PSD3: variants seen among roughly 807,000 people sequenced by gnomAD.
PSD3 encodes pleckstrin and Sec7 domain containing 3.
Under a neutral mutation model 105.5 loss-of-function variants are expected in PSD3, and 49 were observed. The observed-to-expected ratio is 0.46, with a 90% CI of 0.37 to 0.59. The LOEUF (loss-of-function observed/expected upper bound fraction) is 0.59. PSD3 is among the 20% of genes least tolerant of loss of function. The pLI is 0.00. For missense variants in PSD3, 1,561 were observed against 1,263.8 expected (o/e 1.24, Z -3.57); for synonymous variants, 557 against 457.8 (o/e 1.22, Z -2.77).
At chr8:18,973,260 G>A (rs1824752718) in intron 1 of PSD3, among the ~76,000 whole-genome samples, 1 of 152,196 alleles carries the variant, frequency 6.6e-6, no homozygotes, top group African/African-American at 2.4e-5. Flanking sequence ...TGGGGATGAT[G>A]ACATAAGAAA....
At chr8:18,937,474 C>G (rs1266477205) in intron 1 of PSD3, among the ~76,000 whole-genome samples, 1 of 152,156 alleles carries the variant, frequency 6.6e-6, no homozygotes, top group Non-Finnish European at 1.5e-5. Context: ...AAATGACTGA[C>G]AATACTAGGA....
At chr8:18,857,083 G>A (rs1205776754) in intron 4 of PSD3, among the ~76,000 whole-genome samples, 1 of 152,196 alleles carries the variant, frequency 6.6e-6, no homozygotes, top group Non-Finnish European at 1.5e-5. Flanking sequence ...CCACACCTAA[G>A]ACAACAGAAG....
intron 9 of PSD3, among the ~76,000 whole-genome samples, chr8:18,732,215 G>A (rs113129769): frequency 1.7e-3 from 259 of 151,934 alleles, no homozygotes; most frequent in African/African-American, 6.0e-3. Flanking sequence ...AAGAAATAGC[G>A]ACTGAAGAAT....
intron 9 of PSD3, among the ~76,000 whole-genome samples, chr8:18,727,116 C>G (rs1803380245): frequency 6.6e-6 from 1 of 151,830 alleles, no homozygotes; most frequent in Non-Finnish European, 1.5e-5. Flanking sequence ...AGTGGGTGAA[C>G]CATGAGGACA....
chr8:18,657,183 G>A (rs528605787), intron 9 of PSD3, among the ~76,000 whole-genome samples: 3 of 152,268 alleles, frequency 2.0e-5, no homozygotes, highest in South Asian at 4.1e-4. Context: ...GAGCAGAACT[G>A]CCTTGTATTT....
intron 1 of PSD3, among the ~76,000 whole-genome samples, chr8:18,951,212 T>C (rs906842118): frequency 2.0e-5 from 3 of 151,966 alleles, no homozygotes; most frequent in Admixed American, 1.3e-4. Flanking sequence ...CTGGGCAACA[T>C]AGTGAGACAC....
chr8:18,899,304 T>C (rs1819349847), intron 2 of PSD3, among the ~76,000 whole-genome samples: 1 of 152,144 alleles, frequency 6.6e-6, no homozygotes, highest in Non-Finnish European at 1.5e-5. Context: ...ATCTACAATA[T>C]CTTGTCATGA....
At chr8:18,666,055 C>T (rs778744371) in intron 9 of PSD3, among the ~76,000 whole-genome samples, 3 of 152,068 alleles carry the variant, frequency 2.0e-5, no homozygotes, top group Non-Finnish European at 2.9e-5. Context: ...ATAGTGTAAA[C>T]ATACCTTTTT....
chr8:18,537,518 G>A (rs903103947), intron 15 of PSD3, among the ~76,000 whole-genome samples: 1 of 152,144 alleles, frequency 6.6e-6, no homozygotes, highest in African/African-American at 2.4e-5. Flanking sequence ...TAAAACCAGA[G>A]ATACTTACTT....
intron 1 of PSD3, among the ~76,000 whole-genome samples, chr8:19,035,650 GTTT>G (rs1200873619): frequency 6.6e-6 from 1 of 150,922 alleles, no homozygotes; most frequent in Non-Finnish European, 1.5e-5. Context: ...CCAAAGTTAC[GTTT>G]TTTTTGGCCA....
intron 1 of PSD3, among the ~76,000 whole-genome samples, chr8:18,948,940 C>A (rs564890508): frequency 1.3e-5 from 2 of 151,862 alleles, no homozygotes; most frequent in African/African-American, 2.4e-5. Flanking sequence ...TTGGTGGCAA[C>A]TGTGTATTTA....
At chr8:19,084,709 C>T (rs1829754191) in exon 1 of PSD3, 1 of 318,724 alleles carries the variant, frequency 3.1e-6, no homozygotes, top group African/African-American at 2.2e-5. Context: ...CAAGTGAAAG[C>T]AGCTGATTCC....
At chr8:18,550,914 C>T (rs762448085) in intron 15 of PSD3, among the ~76,000 whole-genome samples, 17 of 152,216 alleles carry the variant, frequency 1.1e-4, no homozygotes, top group South Asian at 2.1e-4. Context: ...TTTGATTCCA[C>T]GCTAGACTGA....
At chr8:19,075,674 T>A (rs1244333304) in intron 1 of PSD3, among the ~76,000 whole-genome samples, 1 of 152,224 alleles carries the variant, frequency 6.6e-6, no homozygotes, top group Non-Finnish European at 1.5e-5. Flanking sequence ...GATGTGCAGA[T>A]AGTAACTTGG....
At chr8:18,808,616 A>T in intron 4 of PSD3, 1 of 1,166,490 alleles carries the variant, frequency 8.6e-7, no homozygotes, top group Non-Finnish European at 1.2e-6. Context: ...AAAAGGAGAA[A>T]ATAAAGCACA....
chr8:18,627,507 A>C (rs1407280027), intron 11 of PSD3, among the ~76,000 whole-genome samples: 2 of 152,106 alleles, frequency 1.3e-5, no homozygotes, highest in Non-Finnish European at 2.9e-5. Flanking sequence ...TTATGTTTTC[A>C]TCAGCTAGAG....
At chr8:18,631,679 A>G (rs972033055) in intron 11 of PSD3, among the ~76,000 whole-genome samples, 1 of 151,938 alleles carries the variant, frequency 6.6e-6, no homozygotes, top group African/African-American at 2.4e-5. Context: ...GTAATCTAGT[A>G]TATAAGGTGC....
intron 9 of PSD3, among the ~76,000 whole-genome samples, chr8:18,739,295 T>C (rs573868824): frequency 6.6e-6 from 1 of 151,910 alleles, no homozygotes; most frequent in South Asian, 2.1e-4. Flanking sequence ...AGAAAAAGAG[T>C]AAGCTATTTA....
chr8:19,051,061 G>A (rs553133375), intron 1 of PSD3, among the ~76,000 whole-genome samples: 2 of 152,258 alleles, frequency 1.3e-5, no homozygotes, highest in South Asian at 4.1e-4. Context: ...CATCCTCAGA[G>A]TCTATCCAAA....
Sources: allele counts gnomAD v4.1 joint callset (sites outside exome capture counted in the v4.1 genomes callset), GRCh38; gene constraint gnomAD v4.1.1; transcripts MANE v1.5; gene names NCBI Gene and HGNC (gene_info 2026-07-23, HGNC 2026-07-21).